SYT2: variants seen among roughly 807,000 people sequenced by gnomAD.
SYT2 encodes the protein synaptotagmin-2.
A neutral mutation model predicts 39.9 loss-of-function variants in SYT2; 15 were observed. The ratio of observed to expected loss-of-function variants is 0.38; its 90% CI spans 0.25 to 0.58. The LOEUF is 0.58. SYT2 is among the 20% of genes least tolerant of loss of function. The pLI is 0.70. For missense variants in SYT2, 389 were observed against 530.3 expected (o/e 0.73, Z 2.62); for synonymous variants, 181 against 204.5 (o/e 0.89, Z 0.98).
At chr1:202,600,576 C>A in intron 6 of SYT2, 102 bp from the exon 7 acceptor site, 8 of 972,570 alleles carry the variant, frequency 8.2e-6, no homozygotes, top group Non-Finnish European at 1.3e-5. Context: ...GTGATGTGTC[C>A]CTGCCTCCCT....
At position 202,623,676 on chromosome 1, in the gene SYT2, G is replaced by A. The variant is rs1256768301; in HGVS notation, c.-17-17887C>T. Among the ~76,000 whole-genome samples the A allele has an allele frequency of 2.6e-5, 4 of 152,338 alleles. No individual in the cohort carries two copies. Among genetic ancestry groups the A allele is most frequent in the Non-Finnish European group, 5.9e-5 (4 of 68,022 alleles). On this transcript the variant is annotated intron_variant, in intron 1 of 8. Coordinates refer to ENST00000367268, the MANE Select transcript of SYT2 (RefSeq NM_177402.5). This position sits in a 1 kb window ranked among gnomAD's most constrained non-coding sequence, Gnocchi z 4.2. ...GTGTGTAGGGGGGGTGCACCCGTGG[G>A]CCCCAGGAGGTCTGTTGTGCGCATG...
At chr1:202,650,030 C>T (rs1269883315) in intron 1 of SYT2, among the ~76,000 whole-genome samples, 5 of 152,310 alleles carry the variant, frequency 3.3e-5, no homozygotes, top group South Asian at 2.1e-4. Flanking sequence ...ACATGGGGAG[C>T]GATTCCAAGT....
At chr1:202,621,389 T>A (rs1405913189) in intron 1 of SYT2, among the ~76,000 whole-genome samples, 1 of 152,084 alleles carries the variant, frequency 6.6e-6, no homozygotes, top group Non-Finnish European at 1.5e-5. Context: ...TTCAAACTCC[T>A]GGGCCCAAGC....
chr1:202,632,019 C>G, intron 1 of SYT2: 3 of 985,320 alleles, frequency 3.0e-6, no homozygotes, highest in Non-Finnish European at 3.6e-6. Flanking sequence ...TATGTGAGGA[C>G]CACAAGAGCT....
intron 1 of SYT2, chr1:202,639,865 A>G: frequency 2.0e-6 from 2 of 982,340 alleles, no homozygotes; most frequent in Non-Finnish European, 2.4e-6. Flanking sequence ...TGACAACTGC[A>G]GGACTGTGAA....
At position 202,599,461 on chromosome 1, in the gene SYT2, G is replaced by A. The variant is rs1045569883; in HGVS notation, c.920-110C>T. ...TCGGTCAAGAGGGGGTCTTCACTCCGCTGAGACCAGGCCCTCAGAAAGCCC... is the reference window on the plus strand; with the variant it reads ...TCGGTCAAGAGGGGGTCTTCACTCCACTGAGACCAGGCCCTCAGAAAGCCC... On this transcript the variant is annotated intron_variant, in intron 7 of 8. Coordinates refer to ENST00000367268, the MANE Select transcript of SYT2 (RefSeq NM_177402.5). The surrounding 1 kb of genome is among the most constrained non-coding windows in gnomAD (Gnocchi z 4.4). 23 of 1,267,430 alleles carry A rather than the reference G, an allele frequency of 1.8e-5. No homozygotes were observed. The highest frequency in any genetic ancestry group is 1.7e-4 in the African/African-American group (11 of 64,764). The allele number at this position is 1,267,430 out of a possible 1,614,324, so 78.5% of individuals were successfully genotyped here.
intron 1 of SYT2, chr1:202,632,988 G>A (rs1691638572): frequency 6.6e-6 from 1 of 152,220 alleles, no homozygotes; most frequent in Non-Finnish European, 1.5e-5. Context: ...TCTGACCGGT[G>A]GCATCCAGGA....
chr1:202,608,773 G>GC lies in SYT2; in HGVS notation c.-17-2985_-17-2984insG, dbSNP rs1306089725. ...TCTCTTGGGTATATACATAGGTATG[G>GC]AATTGCTGGGTCATAACTATGTTTG... On this transcript the variant is annotated intron_variant, in intron 1 of 8. Transcript: ENST00000367268. Among the ~76,000 whole-genome samples, 80 of 152,218 alleles carry GC rather than the reference G, an allele frequency of 5.3e-4. 1 individual carries two copies. Among genetic ancestry groups the GC allele is most frequent in the Admixed American group, 1.7e-3 (26 of 15,284 alleles).
chr1:202,656,904 CCAGA>C (rs1205287754), intron 1 of SYT2, among the ~76,000 whole-genome samples: 6 of 152,202 alleles, frequency 3.9e-5, no homozygotes, highest in Non-Finnish European at 8.8e-5. Flanking sequence ...GCTTCCACTG[CCAGA>C]CAGAGTCCAG....
chr1:202,627,243 C>G (rs1350196026), intron 1 of SYT2, among the ~76,000 whole-genome samples: 1 of 152,224 alleles, frequency 6.6e-6, no homozygotes, highest in African/African-American at 2.4e-5. Flanking sequence ...GCTCAGCTCC[C>G]AGGGGACCAC....
intron 1 of SYT2, among the ~76,000 whole-genome samples, chr1:202,631,656 G>A (rs1283795715): frequency 6.6e-6 from 1 of 152,166 alleles, no homozygotes; most frequent in Admixed American, 6.5e-5. Context: ...TGAACCCACT[G>A]CGGGGGTCTC....
intron 1 of SYT2, among the ~76,000 whole-genome samples, chr1:202,687,048 C>T (rs112793506): frequency 1.2e-4 from 19 of 152,192 alleles, no homozygotes; most frequent in Non-Finnish European, 1.9e-4. Context: ...GACCTGTTGA[C>T]GTGCTTGGAC....
intron 1 of SYT2, among the ~76,000 whole-genome samples, chr1:202,646,711 C>T (rs1454466464): frequency 6.6e-6 from 1 of 152,176 alleles, no homozygotes; most frequent in Non-Finnish European, 1.5e-5. Context: ...AGCGCAGTGC[C>T]ATTCTTGGCA....
chr1:202,704,530 G>A (rs1023044689), intron 1 of SYT2, among the ~76,000 whole-genome samples: 10 of 152,214 alleles, frequency 6.6e-5, no homozygotes, highest in African/African-American at 2.4e-4. Flanking sequence ...CTTTTGGGCT[G>A]TGAGTCCCAT....
intron 1 of SYT2, among the ~76,000 whole-genome samples, chr1:202,639,266 T>G (rs1691834071): frequency 6.6e-6 from 1 of 152,222 alleles, no homozygotes; most frequent in Non-Finnish European, 1.5e-5. Context: ...AGGAAGTTCC[T>G]TCCTATCAGG....
intron 1 of SYT2, among the ~76,000 whole-genome samples, chr1:202,684,186 G>C (rs140885002): frequency 1.3e-5 from 2 of 151,938 alleles, no homozygotes; most frequent in Admixed American, 6.6e-5. Context: ...TTTGCTCTTC[G>C]CAAATGTTCA....
chr1:202,599,166 T>C lies in SYT2; in HGVS notation c.1053+52A>G, dbSNP rs1487207260. 5 of 1,602,524 alleles carry C rather than the reference T, an allele frequency of 3.1e-6. No individual in the cohort carries two copies. The highest frequency in any genetic ancestry group is 4.3e-6 in the Non-Finnish European group (5 of 1,176,278). ...TCCCTCTCTTCAACCTCCCCATACA[T>C]GTTTGCCTCCCCAAACCCTGCTCCA... On this transcript the variant is annotated intron_variant, in intron 8 of 8. Transcript: ENST00000367268. The surrounding 1 kb of genome is among the most constrained non-coding windows in gnomAD (Gnocchi z 4.4).
intron 1 of SYT2, among the ~76,000 whole-genome samples, chr1:202,634,005 G>C (rs1292505312): frequency 6.6e-6 from 1 of 152,216 alleles, no homozygotes; most frequent in Admixed American, 6.5e-5. Flanking sequence ...GGTGGTGGAA[G>C]AGCAAAGGGC....
intron 1 of SYT2, among the ~76,000 whole-genome samples, chr1:202,612,126 T>C (rs1249922524): frequency 6.6e-6 from 1 of 152,270 alleles, no homozygotes; most frequent in African/African-American, 2.4e-5. Flanking sequence ...GATATCCATT[T>C]GGTATATAAC....
Sources: gnomAD v4.1 joint callset for allele counts (sites outside exome capture counted in the v4.1 genomes callset) on GRCh38, gnomAD v4.1.1 for gene constraint, Gnocchi (gnomAD v3.1) non-coding constraint, MANE v1.5 for transcripts, NCBI Gene and HGNC (gene_info 2026-07-23, HGNC 2026-07-21) for gene names.